Variants in CNTN5 observed in about 807,000 individuals in gnomAD.
The protein encoded by CNTN5 is contactin-5.
Under a neutral mutation model 129.1 loss-of-function variants are expected in CNTN5, and 77 were observed. That is an observed-to-expected ratio of 0.60 (90% CI 0.50 to 0.72). The LOEUF (loss-of-function observed/expected upper bound fraction) is 0.72, where lower values mean the gene tolerates loss of function less well. Ranked by LOEUF, CNTN5 falls within the 30% of genes least tolerant of loss-of-function variation. The pLI, the probability that CNTN5 is intolerant of heterozygous loss-of-function variation, is 0.00. For synonymous variants in CNTN5, 509 were observed against 465.6 expected, an observed-to-expected ratio of 1.09 and a Z score of -1.20; for missense variants, 1,478 against 1,328.8, an observed-to-expected ratio of 1.11 and a Z score of -1.75.
At chr11:99,908,327 G>A (rs1949565572) in intron 6 of CNTN5, among the ~76,000 whole-genome samples, 1 of 151,998 alleles carries the variant, frequency 6.6e-6, no homozygotes, top group African/African-American at 2.4e-5. Flanking sequence ...TAATACATCT[G>A]CAAGTTATAA....
intron 3 of CNTN5, among the ~76,000 whole-genome samples, chr11:99,793,592 A>G (rs955020773): frequency 1.3e-5 from 2 of 152,096 alleles, no homozygotes; most frequent in African/African-American, 4.8e-5. Context: ...ACTGCTTTGT[A>G]TGTGTCCCAG....
intron 3 of CNTN5, among the ~76,000 whole-genome samples, chr11:99,586,340 C>G (rs116469497): frequency 1.3e-5 from 2 of 151,942 alleles, no homozygotes; most frequent in African/African-American, 2.4e-5. Context: ...AGCATAATAA[C>G]GGACATAACT....
intron 6 of CNTN5, among the ~76,000 whole-genome samples, chr11:99,896,517 G>T (rs149659272): frequency 2.1e-3 from 318 of 152,188 alleles, no homozygotes; most frequent in Admixed American, 4.1e-3. Flanking sequence ...CACCTCTGTT[G>T]TTCCCTGCCA....
chr11:100,087,535 A>T (rs1465916738), intron 13 of CNTN5, among the ~76,000 whole-genome samples: 2 of 151,846 alleles, frequency 1.3e-5, no homozygotes, highest in East Asian at 3.9e-4. Context: ...TCATGAACAT[A>T]GATGACATTA....
intron 6 of CNTN5, among the ~76,000 whole-genome samples, chr11:99,885,787 A>G (rs943844851): frequency 1.3e-5 from 2 of 152,184 alleles, no homozygotes; most frequent in African/African-American, 4.8e-5. Flanking sequence ...CACAACTCCA[A>G]GTGTAATAGA....
intron 8 of CNTN5, among the ~76,000 whole-genome samples, chr11:99,991,573 A>C (rs967044345): frequency 6.6e-6 from 1 of 152,232 alleles, no homozygotes; most frequent in Non-Finnish European, 1.5e-5. Context: ...ATTTAATTTC[A>C]TGAGAGAATG....
At chr11:99,160,229 C>T (rs1418111794) in intron 1 of CNTN5, among the ~76,000 whole-genome samples, 1 of 152,130 alleles carries the variant, frequency 6.6e-6, no homozygotes. Context: ...CTTTCAAACA[C>T]CAGTCTTAGA....
chr11:99,593,316 G>C (rs1478708089), intron 3 of CNTN5, among the ~76,000 whole-genome samples: 4 of 152,134 alleles, frequency 2.6e-5, no homozygotes, highest in African/African-American at 2.4e-5. Context: ...CAACAACTCT[G>C]TGTTCCAGGC....
At chr11:99,340,775 A>T (rs905210832) in intron 2 of CNTN5, among the ~76,000 whole-genome samples, 1 of 152,240 alleles carries the variant, frequency 6.6e-6, no homozygotes, top group Non-Finnish European at 1.5e-5. Flanking sequence ...AATTCTATAA[A>T]ATAATTTAAT....
chr11:100,179,561 A>G (rs1470353334), intron 13 of CNTN5, among the ~76,000 whole-genome samples: 4 of 152,136 alleles, frequency 2.6e-5, no homozygotes, highest in Admixed American at 6.6e-5. Flanking sequence ...ACCAAATAGA[A>G]ATAAGACCAG....
chr11:99,658,091 G>A (rs1952447902), intron 3 of CNTN5, among the ~76,000 whole-genome samples: 1 of 152,026 alleles, frequency 6.6e-6, no homozygotes, highest in Non-Finnish European at 1.5e-5. Flanking sequence ...ATGTAGCTGT[G>A]AACAAAACAC....
chr11:99,963,849 A>G (rs530671842), intron 8 of CNTN5, among the ~76,000 whole-genome samples: 1 of 152,120 alleles, frequency 6.6e-6, no homozygotes, highest in Non-Finnish European at 1.5e-5. Context: ...AGTGGTTTGT[A>G]GTTCTCCTTG....
At chr11:99,422,179 T>C (rs555828617) in intron 2 of CNTN5, among the ~76,000 whole-genome samples, 5 of 152,304 alleles carry the variant, frequency 3.3e-5, no homozygotes, top group African/African-American at 1.2e-4. Context: ...AATTTGTTTT[T>C]AACATTTAAC....
chr11:99,223,301 C>A (rs1045602493), intron 1 of CNTN5, among the ~76,000 whole-genome samples: 34 of 152,144 alleles, frequency 2.2e-4, no homozygotes, highest in African/African-American at 8.2e-4. Context: ...AACTCATCCA[C>A]ATTAAGTTAT....
At chr11:99,552,207 G>GTTTTTTTTTTT (rs758718492) in intron 2 of CNTN5, among the ~76,000 whole-genome samples, 4 of 146,702 alleles carry the variant, frequency 2.7e-5, no homozygotes, top group African/African-American at 7.6e-5. Flanking sequence ...CACCTGGTCA[G>GTTTTTTTTTTT]TTTTTGTGTT....
chr11:99,755,617 C>T (rs1944380942), intron 3 of CNTN5, among the ~76,000 whole-genome samples: 1 of 151,150 alleles, frequency 6.6e-6, no homozygotes, highest in African/African-American at 2.4e-5. Context: ...GATGACAGTT[C>T]CTTTGTAAGA....
intron 3 of CNTN5, among the ~76,000 whole-genome samples, chr11:99,631,753 A>C (rs1197286942): frequency 6.6e-6 from 1 of 151,970 alleles, no homozygotes; most frequent in Non-Finnish European, 1.5e-5. Flanking sequence ...GAGAAGTTAA[A>C]TGATTTGTAT....
intron 13 of CNTN5, among the ~76,000 whole-genome samples, chr11:100,172,327 C>G (rs1947850907): frequency 6.6e-6 from 1 of 151,804 alleles, no homozygotes; most frequent in African/African-American, 2.4e-5. Flanking sequence ...AATCAAATAC[C>G]CTGATGAGGA....
rs768880433 is a variant in CNTN5, at chr11:100,358,087, C to A, written c.*1867C>A. 13 of 151,676 alleles carry A rather than the reference C, an allele frequency of 8.6e-5. No individual in the cohort carries two copies. The highest frequency in any genetic ancestry group is 1.5e-4 in the Non-Finnish European group (10 of 67,792). 9.4% of individuals were successfully genotyped at this position (151,676 alleles called of 1,614,324 possible). On this transcript the variant is annotated 3_prime_UTR_variant, in exon 25 of 25. Transcript: ENST00000524871. ...TTAGCTGGCAAAACATGAGCTCTCC[C>A]AAGTATAGTTTACCTTTATGAATTG...
Sources: gnomAD v4.1 joint callset for allele counts (sites outside exome capture counted in the v4.1 genomes callset) on GRCh38, gnomAD v4.1.1 for gene constraint, MANE v1.5 for transcripts, NCBI Gene and HGNC (gene_info 2026-07-23, HGNC 2026-07-21) for gene names.